Variants in ABLIM2 observed in about 807,000 individuals in gnomAD.
The protein encoded by ABLIM2 is actin binding LIM protein family member 2.
Under a neutral mutation model 97.7 loss-of-function variants are expected in ABLIM2, and 53 were observed. The observed-to-expected ratio is 0.54, with a 90% CI of 0.44 to 0.68. ABLIM2 has a LOEUF of 0.68. Among genes scored for constraint, ABLIM2 ranks in the 30% least tolerant of loss-of-function variants. ABLIM2 has a pLI of 0.00. For missense variants in ABLIM2, 835 were observed against 867.2 expected (o/e 0.96, Z 0.47); for synonymous variants, 361 against 345.8 (o/e 1.04, Z -0.49).
chr4:8,153,877 T>A (rs1714035369), intron 1 of ABLIM2, among the ~76,000 whole-genome samples: 1 of 152,228 alleles, frequency 6.6e-6, no homozygotes, highest in African/African-American at 2.4e-5. Flanking sequence ...CTTCCCGACA[T>A]TGCCTCCCTC....
At chr4:8,059,800 G>A (rs540181511) in intron 7 of ABLIM2, among the ~76,000 whole-genome samples, 2 of 151,832 alleles carry the variant, frequency 1.3e-5, no homozygotes, top group East Asian at 3.9e-4. Flanking sequence ...CAGCTACTTG[G>A]AAGGCTGAGG....
At position 8,156,045 on chromosome 4, in the gene ABLIM2, A is replaced by AT. The variant is rs1715209102; in HGVS notation, c.10+2634_10+2635insA. Reference sequence around the variant, plus strand: ...CTTTGTTATGGAGCAAATTAACACAACCCCTCAGGAGCCTCTGTCCACCTG... The same window carrying AT: ...CTTTGTTATGGAGCAAATTAACACAATCCCCTCAGGAGCCTCTGTCCACCTG... On this transcript the variant is annotated intron_variant, in intron 1 of 20. Transcript: ENST00000447017. Among the ~76,000 whole-genome samples the AT allele has an allele frequency of 2.0e-5, 3 of 151,936 alleles. No homozygotes were observed. In the South Asian group the frequency reaches 6.2e-4, roughly 32 times the overall value.
intron 12 of ABLIM2, chr4:8,020,637 A>G (rs1339384676): frequency 2.8e-6 from 1 of 358,838 alleles, no homozygotes; most frequent in Non-Finnish European, 5.1e-6. Flanking sequence ...GTTTGAATCC[A>G]ACCAACTGCA....
At chr4:8,154,254 A>G (rs183702969) in intron 1 of ABLIM2, among the ~76,000 whole-genome samples, 3,006 of 137,484 alleles carry the variant, frequency 0.022, 39 homozygotes, top group African/African-American at 0.026. Flanking sequence ...GAGCCACCGC[A>G]CCCAGCCACT....
chr4:8,010,384 C>A, intron 14 of ABLIM2: 2 of 985,894 alleles, frequency 2.0e-6, no homozygotes, highest in Non-Finnish European at 2.4e-6. Flanking sequence ...CAGCCCGCCA[C>A]GAAGACCCAG....
intron 16 of ABLIM2, chr4:8,007,379 C>A: frequency 1.0e-6 from 1 of 985,500 alleles, no homozygotes; most frequent in Non-Finnish European, 1.2e-6. Context: ...TGCTTCGAAG[C>A]TAAGCCCAAG....
intron 2 of ABLIM2, among the ~76,000 whole-genome samples, chr4:8,100,313 C>T (rs1419376547): frequency 6.6e-6 from 1 of 152,192 alleles, no homozygotes; most frequent in Admixed American, 6.5e-5. Flanking sequence ...TAGAGTCAGG[C>T]AGCCTGGGCT....
chr4:8,151,282 A>T (rs1712643222), intron 1 of ABLIM2, among the ~76,000 whole-genome samples: 1 of 152,132 alleles, frequency 6.6e-6, no homozygotes, highest in South Asian at 2.1e-4. Flanking sequence ...TCCGCAGCAG[A>T]CCTGTTTGTT....
In ABLIM2 at chr4:8,067,520, G is replaced by T. The variant is rs1189622873; in HGVS notation, c.676-6466C>A. On this transcript the variant is annotated intron_variant, in intron 6 of 20. Coordinates refer to ENST00000447017, the MANE Select transcript of ABLIM2 (RefSeq NM_001130083.2). This position sits in a 1 kb window ranked among gnomAD's most constrained non-coding sequence, Gnocchi z 5.4. ...ACAGCCGCGTGGCCAGGGGCAGCCG[G>T]CACCCTCACTCACAGTTCGGGCCAC... is the stretch of plus-strand genomic sequence containing the variant. 2 of 152,266 alleles carry T rather than the reference G, an allele frequency of 1.3e-5. No homozygotes were observed. The highest frequency in any genetic ancestry group is 2.4e-5 in the African/African-American group (1 of 41,442). The allele number at this position is 152,266 out of a possible 1,614,324, so 9.4% of individuals were successfully genotyped here.
intron 2 of ABLIM2, among the ~76,000 whole-genome samples, chr4:8,098,936 A>C (rs1315574573): frequency 1.3e-5 from 2 of 152,194 alleles, no homozygotes; most frequent in Non-Finnish European, 1.5e-5. Flanking sequence ...CTCAGAACGA[A>C]ATCCCATCTA....
intron 1 of ABLIM2, among the ~76,000 whole-genome samples, chr4:8,139,706 A>G (rs1850682252): frequency 6.6e-6 from 1 of 152,250 alleles, no homozygotes; most frequent in South Asian, 2.1e-4. Flanking sequence ...TTCTTCAAAG[A>G]TCCAGAACCA....
At chr4:8,100,436 T>C (rs919661270) in intron 2 of ABLIM2, among the ~76,000 whole-genome samples, 11 of 152,132 alleles carry the variant, frequency 7.2e-5, no homozygotes, top group African/African-American at 2.4e-4. Flanking sequence ...TGATCTTGCA[T>C]GGTGGCTGTA....
At chr4:8,027,137 C>T (rs1259570819) in intron 12 of ABLIM2, among the ~76,000 whole-genome samples, 2 of 152,188 alleles carry the variant, frequency 1.3e-5, no homozygotes, top group African/African-American at 4.8e-5. Context: ...TCTACAGATA[C>T]AGTCACGTCA....
In ABLIM2 at chr4:8,036,228, T is replaced by C. The variant is rs373822922; in HGVS notation, c.968A>G (p.Tyr323Cys). ...GATCATGTCGGGGCGGTCGATGTCA[T>C]AGATGGCCTTACTTTTAGGAAGGGC... is the stretch of plus-strand genomic sequence containing the variant. ...LAALPKSKAI[Y>C]DIDRPDMISY... Residue 323 changes from tyrosine to cysteine, a missense_variant, in exon 10 of 21, where the codon TAT (tyrosine) becomes TGT (cysteine). Transcript: ENST00000447017. 2.5e-6 allele frequency: 4 copies of C among 1,613,832 alleles called. No individual in the cohort carries two copies. The highest frequency in any genetic ancestry group is 3.4e-6 in the Non-Finnish European group (4 of 1,179,794).
At chr4:8,079,653 G>T (rs1357264935) in intron 5 of ABLIM2, among the ~76,000 whole-genome samples, 1 of 152,164 alleles carries the variant, frequency 6.6e-6, no homozygotes, top group African/African-American at 2.4e-5. Flanking sequence ...CAGTGGTGAT[G>T]CAGAATTAGT....
intron 20 of ABLIM2, among the ~76,000 whole-genome samples, chr4:7,976,117 G>A (rs1732830218): frequency 6.6e-6 from 1 of 152,166 alleles, no homozygotes; most frequent in African/African-American, 2.4e-5. Context: ...TTGCTCAGCA[G>A]TCTTGTGAAT....
At chr4:7,982,448 C>A (rs190407739) in intron 20 of ABLIM2, among the ~76,000 whole-genome samples, 1 of 152,220 alleles carries the variant, frequency 6.6e-6, no homozygotes, top group Non-Finnish European at 1.5e-5. Flanking sequence ...CACCGTAGGG[C>A]GGTTGTGAGG....
At chr4:8,084,766 C>T (rs1041284888) in intron 4 of ABLIM2, among the ~76,000 whole-genome samples, 18 of 152,222 alleles carry the variant, frequency 1.2e-4, no homozygotes, top group Non-Finnish European at 2.6e-4. Context: ...TCCCAATTGC[C>T]AGCCTGCCGC....
intron 8 of ABLIM2, among the ~76,000 whole-genome samples, chr4:8,050,549 C>T (rs1402334103): frequency 6.6e-6 from 1 of 152,218 alleles, no homozygotes; most frequent in Non-Finnish European, 1.5e-5. Context: ...TCTTGACTAG[C>T]AGGTAGCACT....
Sources: gnomAD v4.1 joint callset for allele counts (sites outside exome capture counted in the v4.1 genomes callset) on GRCh38, gnomAD v4.1.1 for gene constraint, Gnocchi (gnomAD v3.1) non-coding constraint, MANE v1.5 for transcripts, NCBI Gene and HGNC (gene_info 2026-07-23, HGNC 2026-07-21) for gene names.